SEMA3A: variants seen among roughly 807,000 people sequenced by gnomAD.
SEMA3A encodes the protein semaphorin-3A.
In SEMA3A, 29 loss-of-function variants were observed where a neutral mutation model predicts 97.9. That is an observed-to-expected ratio of 0.30 (90% confidence interval 0.22 to 0.40). The LOEUF (loss-of-function observed/expected upper bound fraction) is 0.40, where lower values mean the gene tolerates loss of function less well. Ranked by LOEUF, SEMA3A falls within the 10% of genes least tolerant of loss-of-function variation. The probability of loss-of-function intolerance (pLI) is 1.00; values close to 1 mark genes in which losing one functional copy is unlikely to be tolerated. For synonymous variants in SEMA3A, 321 were observed against 323.7 expected (o/e 0.99, Z 0.09); for missense variants, 763 against 951.3 (o/e 0.80, Z 2.60).
chr7:84,413,052 C>T (rs940305582), intron 1 of SEMA3A, among the ~76,000 whole-genome samples: 2 of 152,098 alleles, frequency 1.3e-5, no homozygotes, highest in Non-Finnish European at 2.9e-5. Flanking sequence ...CTTTCATCAA[C>T]AAATGCAACA....
At chr7:84,128,055 G>C (rs1046253895) in intron 3 of SEMA3A, among the ~76,000 whole-genome samples, 2 of 151,658 alleles carry the variant, frequency 1.3e-5, no homozygotes, top group African/African-American at 4.8e-5. Flanking sequence ...GCAAATACTG[G>C]GCTATTCCTC....
At chr7:84,196,353 T>TTCTCTC (rs60887913), upstream of SEMA3A, among the ~76,000 whole-genome samples, 821 of 149,232 alleles carry the variant, frequency 5.5e-3, 3 homozygotes, top group African/African-American at 0.014. Context: ...TCGCTCTGCT[T>TTCTCTC]TCTCTCTCTC....
At chr7:84,110,336 A>G in intron 4 of SEMA3A, 134 bp downstream of exon 4, 1 of 906,946 alleles carries the variant, frequency 1.1e-6, no homozygotes. Flanking sequence ...TAAAATTAAT[A>G]ACAGCATCTG....
chr7:84,353,692 C>T (rs1584259075), intron 2 of SEMA3A, among the ~76,000 whole-genome samples: 1 of 151,608 alleles, frequency 6.6e-6, no homozygotes, highest in East Asian at 1.9e-4. Context: ...CACAGACATG[C>T]CATGCTATTT....
At chr7:84,160,233 CTAT>C (rs1796985698) in intron 1 of SEMA3A, among the ~76,000 whole-genome samples, 1 of 26,206 alleles carries the variant, frequency 3.8e-5, no homozygotes, top group Non-Finnish European at 8.9e-5. Flanking sequence ...GTCTATCTAT[CTAT>C]CTATCTATCT....
chr7:84,029,805 CCATATACA>C (rs1222663503), intron 6 of SEMA3A, among the ~76,000 whole-genome samples: 4 of 106,828 alleles, frequency 3.7e-5, no homozygotes, highest in East Asian at 3.3e-4. Context: ...CACATCCCTT[CCATATACA>C]CACACACACA....
intron 1 of SEMA3A, among the ~76,000 whole-genome samples, chr7:84,424,775 TATA>T (rs1431755274): frequency 4.0e-5 from 4 of 101,230 alleles, no homozygotes; most frequent in African/African-American, 8.1e-5. Context: ...GATATAAATA[TATA>T]ATATTTATAT....
chr7:83,988,953 C>A (rs568083301), intron 12 of SEMA3A, among the ~76,000 whole-genome samples: 2 of 150,436 alleles, frequency 1.3e-5, no homozygotes, highest in Non-Finnish European at 2.9e-5. Context: ...CGCACCCCCC[C>A]GATATTCAGC....
At chr7:84,390,808 T>C (rs935668503) in intron 1 of SEMA3A, among the ~76,000 whole-genome samples, 26 of 152,138 alleles carry the variant, frequency 1.7e-4, no homozygotes, top group Non-Finnish European at 5.9e-5. Context: ...ATATAGATAA[T>C]GTGCTAAAAA....
intron 5 of SEMA3A, 147 bp from the exon 6 acceptor site, chr7:84,046,590 AT>A: frequency 2.4e-6 from 2 of 823,866 alleles, no homozygotes; most frequent in Non-Finnish European, 1.9e-6. Context: ...GCAGTTACTT[AT>A]TTTTTATCCT....
Position 83,961,654 on chromosome 7 carries a change from T to A in SEMA3A, c.2033A>T (p.His678Leu), listed in dbSNP as rs753379423. The A allele has an allele frequency of 3.7e-5, 60 of 1,613,786 alleles. No homozygotes were observed. Among genetic ancestry groups the A allele is most frequent in the Admixed American group, 5.0e-5 (3 of 59,986 alleles). Reference protein sequence around the residue: ...IDTEHLEELLHKDDDGDGSKT... With the variant: ...IDTEHLEELLLKDDDGDGSKT... ...AGAGCCATCTCCATCATCATCTTTA[T>A]GAAGAAGTTCTTCCAAATGCTCTGT... Residue 678 changes from histidine to leucine, a missense_variant, in exon 17 of 17, where the codon CAT (histidine) becomes CTT (leucine). Physicochemically the swap from His to Leu is moderately conservative, Grantham distance 99. This residue lies in a region of SEMA3A where 678 missense variants were observed against 881.3 expected (regional missense o/e 0.77). Transcript: ENST00000265362.
chr7:84,381,050 C>T (rs190252378), intron 1 of SEMA3A, among the ~76,000 whole-genome samples: 2 of 152,300 alleles, frequency 1.3e-5, no homozygotes, highest in Non-Finnish European at 1.5e-5. Flanking sequence ...ATGGACATCT[C>T]TGGGAACCAT....
intron 3 of SEMA3A, among the ~76,000 whole-genome samples, chr7:84,240,320 T>C (rs756945465): frequency 6.6e-6 from 1 of 152,108 alleles, no homozygotes; most frequent in Non-Finnish European, 1.5e-5. Flanking sequence ...GTGGCGAAGT[T>C]TTGCAGATAT....
upstream of SEMA3A, among the ~76,000 whole-genome samples, chr7:84,196,516 A>G (rs1798236408): frequency 1.3e-5 from 2 of 152,216 alleles, no homozygotes; most frequent in South Asian, 4.1e-4. Flanking sequence ...AGATTGACTC[A>G]TCAAACAGAT....
At chr7:84,046,232 C>A in intron 6 of SEMA3A, 92 bp downstream of exon 6, 2 of 1,417,974 alleles carry the variant, frequency 1.4e-6, no homozygotes, top group South Asian at 1.4e-5. Context: ...CAATAAATTT[C>A]AAGTCATATT....
At chr7:84,452,370 G>C (rs1032260066) in intron 1 of SEMA3A, among the ~76,000 whole-genome samples, 2 of 152,124 alleles carry the variant, frequency 1.3e-5, no homozygotes, top group Admixed American at 6.6e-5. Flanking sequence ...GCAAGGCCAT[G>C]GGCACCTTAG....
chr7:83,978,718 C>T (rs1317148881), intron 14 of SEMA3A, among the ~76,000 whole-genome samples: 1 of 152,096 alleles, frequency 6.6e-6, no homozygotes, highest in Non-Finnish European at 1.5e-5. Flanking sequence ...CAAAATTGAG[C>T]CAACAAGAGA....
intron 2 of SEMA3A, among the ~76,000 whole-genome samples, chr7:84,316,025 T>C (rs983719883): frequency 6.7e-6 from 1 of 149,790 alleles, no homozygotes; most frequent in Non-Finnish European, 1.5e-5. Context: ...GGAGCAGTGG[T>C]GCACATCTGT....
At chr7:84,294,216 A>C (rs902683107) in intron 3 of SEMA3A, among the ~76,000 whole-genome samples, 19 of 151,986 alleles carry the variant, frequency 1.3e-4, no homozygotes, top group African/African-American at 4.6e-4. Flanking sequence ...CTTTTCATGA[A>C]TTAATAGCAA....
Sources: gnomAD v4.1 joint callset for allele counts (sites outside exome capture counted in the v4.1 genomes callset) on GRCh38, gnomAD v4.1.1 for gene constraint, gnomAD v4.1.1 regional missense constraint, MANE v1.5 for transcripts, NCBI Gene and HGNC (gene_info 2026-07-23, HGNC 2026-07-21) for gene names.